COLEC10: variants seen among roughly 807,000 people sequenced by gnomAD.
COLEC10 encodes collectin subfamily member 10.
In COLEC10, 22 loss-of-function variants were observed where a neutral mutation model predicts 28.4. That is an observed-to-expected ratio of 0.78 (90% CI 0.55 to 1.11). The LOEUF is 1.11. COLEC10 is among the 50% of genes least tolerant of loss of function. The pLI is 0.00. For synonymous variants in COLEC10, 125 were observed against 116.1 expected, an observed-to-expected ratio of 1.08 and a Z score of -0.49; for missense variants, 361 against 344.1, an observed-to-expected ratio of 1.05 and a Z score of -0.39.
At chr8:119,052,846 A>AT (rs1814697330) in intron 2 of COLEC10, among the ~76,000 whole-genome samples, 3 of 152,296 alleles carry the variant, frequency 2.0e-5, no homozygotes, top group African/African-American at 7.2e-5. Flanking sequence ...AACAAGCAAG[A>AT]GAGCTAAAAT....
chr8:119,034,801 A>C (rs974694323), intron 2 of COLEC10, among the ~76,000 whole-genome samples: 1 of 152,248 alleles, frequency 6.6e-6, no homozygotes, highest in African/African-American at 2.4e-5. Context: ...TCTGACACTT[A>C]CTAGCTGTGT....
At chr8:118,957,271 C>T in the COLEC10 span, among the ~76,000 whole-genome samples, 1 of 152,178 alleles carries the variant, frequency 6.6e-6, no homozygotes, top group African/African-American at 2.4e-5. Context: ...GAAAGAGTCA[C>T]CAACTAAACC....
chr8:118,954,550 C>T, the COLEC10 span, among the ~76,000 whole-genome samples: 1 of 152,196 alleles, frequency 6.6e-6, no homozygotes, highest in African/African-American at 2.4e-5. Flanking sequence ...GTGACAGATC[C>T]CTCATTGGCA....
At chr8:119,038,351 A>C (rs1814429291) in intron 2 of COLEC10, among the ~76,000 whole-genome samples, 2 of 152,252 alleles carry the variant, frequency 1.3e-5, no homozygotes, top group East Asian at 3.8e-4. Flanking sequence ...TCCCTTAAGA[A>C]TATCAAAAAT....
intron 1 of COLEC10, among the ~76,000 whole-genome samples, chr8:119,088,295 C>T (rs759789093): frequency 2.6e-5 from 4 of 151,986 alleles, no homozygotes; most frequent in Non-Finnish European, 2.9e-5. Context: ...CAATTCTTAC[C>T]TCTGGTCTGA....
At chr8:118,994,382 T>C (rs1199755124), upstream of COLEC10, among the ~76,000 whole-genome samples, 1 of 152,190 alleles carries the variant, frequency 6.6e-6, no homozygotes, top group African/African-American at 2.4e-5. Flanking sequence ...AATTTACATA[T>C]ACATAAAGTT....
At chr8:119,079,417 C>G (rs1379129490) in intron 1 of COLEC10, among the ~76,000 whole-genome samples, 1 of 152,162 alleles carries the variant, frequency 6.6e-6, no homozygotes, top group Non-Finnish European at 1.5e-5. Context: ...ATCCTATGCT[C>G]TTAACAACTG....
intron 1 of COLEC10, among the ~76,000 whole-genome samples, chr8:119,007,150 C>T (rs1264100940): frequency 2.0e-5 from 3 of 152,024 alleles, no homozygotes; most frequent in Admixed American, 6.6e-5. Context: ...ATCGCCAAAC[C>T]ACGTTAGACT....
intron 2 of COLEC10, among the ~76,000 whole-genome samples, chr8:119,013,734 C>A (rs1307460938): frequency 6.6e-6 from 1 of 150,460 alleles, no homozygotes; most frequent in Non-Finnish European, 1.5e-5. Context: ...CTCCTTTTTC[C>A]TAATTACTCT....
chr8:119,053,552 G>T (rs1251822937), intron 2 of COLEC10, among the ~76,000 whole-genome samples: 1 of 151,838 alleles, frequency 6.6e-6, no homozygotes, highest in Non-Finnish European at 1.5e-5. Flanking sequence ...GAACAATCAG[G>T]GTTTAAATCC....
chr8:119,055,895 C>A (rs1308184035), intron 2 of COLEC10, among the ~76,000 whole-genome samples: 1 of 151,962 alleles, frequency 6.6e-6, no homozygotes, highest in Non-Finnish European at 1.5e-5. Context: ...CTCATTCACT[C>A]CAATGACTTT....
rs34885340 is a variant in COLEC10 at position 119,049,401 on chromosome 8, C to CTTTTTTTT, written n.235+39872_235+39879dup. On this transcript the variant is annotated intron_variant and non_coding_transcript_variant, in intron 2 of 6. Coordinates refer to the COLEC10 transcript ENST00000521788. The stretch of plus-strand genomic sequence containing the variant: ...TGATGAAGCATAGGTATTTTCTTTT[C>CTTTTTTTT]TTTTTTTTTTTTTTTTTTTTTTTTT... Among the ~76,000 whole-genome samples the CTTTTTTTT allele has an allele frequency of 3.6e-3, 217 of 60,088 alleles. 27 individuals carry two copies. Among genetic ancestry groups the CTTTTTTTT allele is most frequent in the South Asian group, 5.9e-3 (7 of 1,190 alleles). 39.4% of individuals were successfully genotyped at this position (60,088 alleles called of 152,430 possible).
the COLEC10 span, among the ~76,000 whole-genome samples, chr8:118,973,754 T>G: frequency 6.6e-6 from 1 of 151,998 alleles, no homozygotes; most frequent in Admixed American, 6.6e-5. Flanking sequence ...ATTCTCTTAC[T>G]CTTTTTTGTT....
the COLEC10 span, among the ~76,000 whole-genome samples, chr8:118,986,586 A>G: frequency 6.6e-6 from 1 of 152,212 alleles, no homozygotes; most frequent in Non-Finnish European, 1.5e-5. Flanking sequence ...GATGCCAAAA[A>G]GATGAATGAA....
At chr8:118,964,265 C>T in the COLEC10 span, among the ~76,000 whole-genome samples, 4 of 152,150 alleles carry the variant, frequency 2.6e-5, no homozygotes, top group Non-Finnish European at 5.9e-5. Flanking sequence ...TATCTGCATG[C>T]ACTTTTAATT....
intron 2 of COLEC10, among the ~76,000 whole-genome samples, chr8:119,032,327 T>C (rs1328237746): frequency 1.3e-5 from 2 of 152,170 alleles, no homozygotes; most frequent in African/African-American, 4.8e-5. Context: ...TTTTTGTGCA[T>C]TACGAAGTGT....
At chr8:119,042,345 T>C (rs1457774338) in intron 2 of COLEC10, among the ~76,000 whole-genome samples, 1 of 152,128 alleles carries the variant, frequency 6.6e-6, no homozygotes, top group Non-Finnish European at 1.5e-5. Context: ...AATGCAGCAG[T>C]TGTACTTTAT....
intron 2 of COLEC10, among the ~76,000 whole-genome samples, chr8:119,031,666 C>T (rs933669107): frequency 1.3e-5 from 2 of 152,192 alleles, no homozygotes; most frequent in Non-Finnish European, 2.9e-5. Flanking sequence ...AGAATACTTT[C>T]CCATTCCCCT....
At chr8:119,085,187 G>T (rs971750148) in intron 1 of COLEC10, among the ~76,000 whole-genome samples, 1 of 152,182 alleles carries the variant, frequency 6.6e-6, no homozygotes, top group South Asian at 2.1e-4. Context: ...TGCAGAAGTG[G>T]CTGACTTGAA....
Sources: allele counts gnomAD v4.1 joint callset (sites outside exome capture counted in the v4.1 genomes callset), GRCh38; gene constraint gnomAD v4.1.1; transcripts MANE v1.5; gene names NCBI Gene and HGNC (gene_info 2026-07-23, HGNC 2026-07-21).